SEC63: variants seen among roughly 807,000 people sequenced by gnomAD.
SEC63 encodes the protein SEC63 protein translocation regulator, also known as translocation protein SEC63 homolog.
A neutral mutation model predicts 116.2 loss-of-function variants in SEC63; 56 were observed. The observed-to-expected ratio is 0.48, with a 90% CI of 0.39 to 0.60. The LOEUF (loss-of-function observed/expected upper bound fraction) is 0.60, where lower values mean the gene tolerates loss of function less well. SEC63 is among the 20% of genes least tolerant of loss of function. The pLI is 0.00. For missense variants in SEC63, 668 were observed against 900.0 expected (o/e 0.74, Z 3.30); for synonymous variants, 273 against 294.6 (o/e 0.93, Z 0.75).
Position 107,924,798 on chromosome 6 carries a change from T to G in SEC63, c.339+20A>C, listed in dbSNP as rs756624181. On this transcript the variant is annotated intron_variant, in intron 3 of 20. Coordinates refer to ENST00000369002, the MANE Select transcript of SEC63 (RefSeq NM_007214.5). ...ATGGGACCATTAAACTAATATGCAT[T>G]ATATAAAAATACTACTTACAGGATC... The G allele has an allele frequency of 2.8e-6, 3 of 1,089,284 alleles. No homozygotes were observed. In the Admixed American group the frequency reaches 5.1e-5, roughly 18 times the overall value. 67.5% of individuals were successfully genotyped at this position (1,089,284 alleles called of 1,614,324 possible).
intron 16 of SEC63, among the ~76,000 whole-genome samples, chr6:107,884,546 A>G (rs1786485534): frequency 6.6e-6 from 1 of 152,152 alleles, no homozygotes; most frequent in South Asian, 2.1e-4. Context: ...AATATATATT[A>G]AAGAAATAAA....
Position 107,929,481 on chromosome 6 carries a change from T to C in SEC63, c.158A>G (p.Tyr53Cys). The C allele has an allele frequency of 1.3e-6, 2 of 1,599,556 alleles. No homozygotes were observed. Among genetic ancestry groups the C allele is most frequent in the Non-Finnish European group, 1.7e-6 (2 of 1,167,004 alleles). ...QIRLKNIRKV[Y>C]GRCMWYRLRL... ...TAAACGATACCACATACACCTTCCA[T>C]ATACTTTTCTGATATTCTTTAATCG... The change falls in exon 2 of 21, where the codon TAT (tyrosine) becomes TGT (cysteine). Residue 53 changes from tyrosine (Y) to cysteine (C), a missense_variant. By Grantham distance (194) the Tyr-to-Cys change is radical. Around this residue, in one of 5 missense-constraint regions of SEC63, gnomAD observed 142 missense variants for 169.5 expected, o/e 0.84. Coordinates refer to ENST00000369002, the MANE Select transcript of SEC63 (RefSeq NM_007214.5).
intron 13 of SEC63, among the ~76,000 whole-genome samples, chr6:107,900,137 T>C (rs780882413): frequency 3.9e-5 from 6 of 152,074 alleles, no homozygotes; most frequent in African/African-American, 7.2e-5. Flanking sequence ...CGTTAACACT[T>C]AGCATATGTT....
At chr6:107,945,290 G>C (rs1359540639) in intron 1 of SEC63, among the ~76,000 whole-genome samples, 7 of 150,910 alleles carry the variant, frequency 4.6e-5, no homozygotes, top group Non-Finnish European at 7.4e-5. Flanking sequence ...AAAATGTAAA[G>C]AATATCTTTC....
Position 107,894,452 on chromosome 6 carries a change from T to C in SEC63, c.1441-555A>G, listed in dbSNP as rs550074968. 5.1e-4 allele frequency among the ~76,000 whole-genome samples: 77 copies of C among 152,152 alleles called. 1 individual carries two copies. The highest frequency in any genetic ancestry group is 3.4e-3 in the Middle Eastern group (1 of 294). On this transcript the variant is annotated intron_variant, in intron 14 of 20. Transcript: ENST00000369002. Reference sequence around the variant, plus strand: ...ACCCTGGGAGGCCAAGGCAGGAGGATTGCTTGACCCCAAGAGTTTGAGACT... The same window carrying C: ...ACCCTGGGAGGCCAAGGCAGGAGGACTGCTTGACCCCAAGAGTTTGAGACT...
chr6:107,953,890 G>A (rs1051267554), intron 1 of SEC63, among the ~76,000 whole-genome samples: 7 of 151,800 alleles, frequency 4.6e-5, no homozygotes, highest in African/African-American at 1.7e-4. Context: ...CGGGAGGTGA[G>A]GGGCGCCTCT....
intron 1 of SEC63, among the ~76,000 whole-genome samples, chr6:107,954,258 C>T (rs1184841326): frequency 6.6e-6 from 1 of 151,586 alleles, no homozygotes; most frequent in African/African-American, 2.4e-5. Flanking sequence ...TAAACAGATG[C>T]TTGAAGGCAG....
chr6:107,915,163 T>C (rs1438420541), intron 4 of SEC63, among the ~76,000 whole-genome samples: 5 of 152,146 alleles, frequency 3.3e-5, no homozygotes. Context: ...ACAAGATCAA[T>C]GATGCTAACA....
chr6:107,875,117 G>T (rs60004254), intron 19 of SEC63, among the ~76,000 whole-genome samples: 1,683 of 152,114 alleles, frequency 0.011, 34 homozygotes, highest in African/African-American at 0.038. Flanking sequence ...GCCCGCCTTG[G>T]CCTCCCAAAA....
chr6:107,879,758 T>A (rs1786369445), intron 18 of SEC63, among the ~76,000 whole-genome samples: 2 of 149,658 alleles, frequency 1.3e-5, no homozygotes, highest in Non-Finnish European at 3.0e-5. Context: ...AGGGTCTCAC[T>A]GTGTCATCCA....
In SEC63 at chr6:107,886,259, T is replaced by C. The variant is rs145911836; in HGVS notation, c.1675-3113A>G. Among the ~76,000 whole-genome samples, 284 of 152,330 alleles carry C rather than the reference T, an allele frequency of 1.9e-3. 1 individual carries two copies. Among genetic ancestry groups the C allele is most frequent in the African/African-American group, 6.1e-3 (255 of 41,578 alleles). On this transcript the variant is annotated intron_variant, in intron 16 of 20. Coordinates refer to ENST00000369002, the MANE Select transcript of SEC63 (RefSeq NM_007214.5). Reference sequence around the variant, plus strand: ...CACATTTTCTTTATCCAGTCTATCATTGATGGGCACTTGGGTTGGTTCCAA... The same window carrying C: ...CACATTTTCTTTATCCAGTCTATCACTGATGGGCACTTGGGTTGGTTCCAA...
At chr6:107,942,521 T>C (rs1235834737) in intron 1 of SEC63, among the ~76,000 whole-genome samples, 1 of 152,028 alleles carries the variant, frequency 6.6e-6, no homozygotes, top group Non-Finnish European at 1.5e-5. Flanking sequence ...ACACTGAGGA[T>C]ATAGAAAAAA....
At chr6:107,910,515 TATATATACATATATGCATGTCATAC>T (rs548190795) in intron 7 of SEC63, among the ~76,000 whole-genome samples, 3,649 of 152,156 alleles carry the variant, frequency 0.024, 68 homozygotes, top group Admixed American at 0.041. Context: ...ATTTAAAACA[TATATATACATATATGCATGTCATAC>T]ATATATACAT....
intron 11 of SEC63, 129 bp downstream of exon 11, chr6:107,904,500 G>A (rs1056352851): frequency 1.4e-6 from 1 of 725,928 alleles, no homozygotes; most frequent in South Asian, 1.6e-5. Context: ...AAAGACATGA[G>A]TAAAATTGAA....
intron 12 of SEC63, among the ~76,000 whole-genome samples, chr6:107,901,758 A>C (rs1333256314): frequency 6.6e-6 from 1 of 152,090 alleles, no homozygotes; most frequent in East Asian, 1.9e-4. Context: ...TAAATTAGAA[A>C]AAACAAAGTT....
intron 1 of SEC63, among the ~76,000 whole-genome samples, chr6:107,933,289 A>G (rs1443142408): frequency 1.3e-5 from 2 of 152,210 alleles, no homozygotes; most frequent in Non-Finnish European, 2.9e-5. Context: ...CTGATTTTGG[A>G]CTTCTGGCCT....
chr6:107,958,190 T>C lies in SEC63; in HGVS notation c.-181A>G, dbSNP rs1770757855. 2 of 849,354 alleles carry C rather than the reference T, an allele frequency of 2.4e-6. No homozygotes were observed. Among genetic ancestry groups the C allele is most frequent in the Non-Finnish European group, 3.7e-6 (2 of 544,100 alleles). The allele number at this position is 849,354 out of a possible 1,614,324, so 52.6% of individuals were successfully genotyped here. A position where few individuals can be genotyped will look rare whatever the true frequency, so the allele number is the denominator to read the frequency against. On this transcript the variant is annotated 5_prime_UTR_variant, in exon 1 of 21. Coordinates refer to ENST00000369002, the MANE Select transcript of SEC63 (RefSeq NM_007214.5). Reference sequence around the variant, plus strand: ...GCCACCTCTGCCGCTGCCGCCGCCGTCGCCAGCTCTCGCGAGAGGAGATAG... The same window carrying C: ...GCCACCTCTGCCGCTGCCGCCGCCGCCGCCAGCTCTCGCGAGAGGAGATAG...
chr6:107,946,021 C>T (rs933459482), intron 1 of SEC63, among the ~76,000 whole-genome samples: 1 of 152,132 alleles, frequency 6.6e-6, no homozygotes, highest in African/African-American at 2.4e-5. Flanking sequence ...ACTGTAACCT[C>T]TGCCTCCCAG....
intron 4 of SEC63, among the ~76,000 whole-genome samples, chr6:107,915,655 C>T (rs907050776): frequency 4.6e-5 from 7 of 151,306 alleles, no homozygotes; most frequent in Admixed American, 2.0e-4. Flanking sequence ...ATGAAATGAC[C>T]CAGCTGGTTT....
Sources: gnomAD v4.1 joint callset for allele counts (sites outside exome capture counted in the v4.1 genomes callset) on GRCh38, gnomAD v4.1.1 for gene constraint, gnomAD v4.1.1 regional missense constraint, MANE v1.5 for transcripts, NCBI Gene and HGNC (gene_info 2026-07-23, HGNC 2026-07-21) for gene names.